Variants in SSX2IP observed in about 807,000 individuals in gnomAD.
SSX2IP encodes the protein SSX family member 2 interacting protein.
Under a neutral mutation model 84.9 loss-of-function variants are expected in SSX2IP, and 55 were observed. That is an observed-to-expected ratio of 0.65 (90% CI 0.52 to 0.81). The LOEUF (loss-of-function observed/expected upper bound fraction) is 0.81. Ranked by LOEUF, SSX2IP falls within the 30% of genes least tolerant of loss-of-function variation. The pLI is 0.00. For synonymous variants in SSX2IP, 239 were observed against 234.7 expected, an observed-to-expected ratio of 1.02 and a Z score of -0.17; for missense variants, 664 against 705.2, an observed-to-expected ratio of 0.94 and a Z score of 0.66.
chr1:84,662,157 A>C, intron 8 of SSX2IP, 41 bp downstream of exon 8: 1 of 1,317,472 alleles, frequency 7.6e-7, no homozygotes, highest in South Asian at 1.5e-5. Context: ...TATTCTTATT[A>C]GCAATCTGAA....
rs1310542680 is a variant in SSX2IP at position 84,690,358 on chromosome 1, C to T, written c.-90+13G>A. The T allele has an allele frequency of 4.0e-5, 6 of 150,746 alleles. No homozygotes were observed. Among genetic ancestry groups the T allele is most frequent in the Non-Finnish European group, 7.4e-5 (5 of 67,550 alleles). The allele number at this position is 150,746 out of a possible 1,614,324, so 9.3% of individuals were successfully genotyped here. On this transcript the variant is annotated intron_variant, in intron 1 of 13. Coordinates refer to ENST00000342203, the MANE Select transcript of SSX2IP (RefSeq NM_001166293.2). Reference sequence around the variant, plus strand: ...GCGCGTCACAATCCCCGACGCGAGGCGCTGCTGCTCACCGTCACGGCCCCC... The same window carrying T: ...GCGCGTCACAATCCCCGACGCGAGGTGCTGCTGCTCACCGTCACGGCCCCC...
chr1:84,673,377 T>C (rs920678884), intron 1 of SSX2IP, among the ~76,000 whole-genome samples: 1 of 152,122 alleles, frequency 6.6e-6, no homozygotes, highest in Non-Finnish European at 1.5e-5. Context: ...CAAAGACTTA[T>C]GATGGATATT....
In SSX2IP at chr1:84,656,328, A is replaced by C; in HGVS notation, c.1215+20T>G. On this transcript the variant is annotated intron_variant, in intron 10 of 13. Transcript: ENST00000342203. The stretch of plus-strand genomic sequence containing the variant: ...CTGGCTTTTCATGGAGAACAGCTTT[A>C]AAAGGTAATTCATATTCACCTGTAA... 6.2e-7 allele frequency: 1 copy of C among 1,606,154 alleles called. No homozygotes were observed. Among genetic ancestry groups the C allele is most frequent in the Non-Finnish European group, 8.5e-7 (1 of 1,176,996 alleles).
chr1:84,655,739 T>C (rs1199535942), intron 11 of SSX2IP, 93 bp downstream of exon 11: 1 of 1,461,924 alleles, frequency 6.8e-7, no homozygotes, highest in African/African-American at 1.4e-5. Context: ...AGAAAATAAG[T>C]AAATAGCAAG....
rs774290087 is a variant in SSX2IP, at chr1:84,671,188, C to T, written c.32G>A (p.Gly11Asp). 1.2e-6 allele frequency: 2 copies of T among 1,611,476 alleles called. No individual in the cohort carries two copies. Among genetic ancestry groups the T allele is most frequent in the Non-Finnish European group, 1.7e-6 (2 of 1,178,700 alleles). ...TTAGACTTAATTACCTGAAGACAGA[C>T]CTGGATCTGTAACAGTCATCCAATC... MGDWMTVTDP[G>D]LSSESKTISQ... The change falls in exon 2 of 14, where the codon GGT (glycine) becomes GAT (aspartate). Residue 11 changes from glycine to aspartate, a missense_variant. Transcript: ENST00000342203.
At chr1:84,674,892 A>G (rs576351715) in intron 1 of SSX2IP, among the ~76,000 whole-genome samples, 19 of 152,186 alleles carry the variant, frequency 1.2e-4, no homozygotes, top group Non-Finnish European at 2.6e-4. Context: ...AAGTTACCCG[A>G]CCAGTTTTTC....
At chr1:84,654,345 C>G (rs1031055039) in intron 11 of SSX2IP, among the ~76,000 whole-genome samples, 1 of 151,824 alleles carries the variant, frequency 6.6e-6, no homozygotes, top group Admixed American at 6.6e-5. Flanking sequence ...ATCAGTAAAA[C>G]TAAACACTAG....
intron 9 of SSX2IP, among the ~76,000 whole-genome samples, chr1:84,657,944 G>A (rs1651369837): frequency 1.3e-5 from 2 of 152,042 alleles, no homozygotes; most frequent in Admixed American, 6.6e-5. Flanking sequence ...GATAAGCCTG[G>A]CCAACACAGC....
At chr1:84,676,698 T>C (rs1210301346) in intron 1 of SSX2IP, among the ~76,000 whole-genome samples, 1 of 149,706 alleles carries the variant, frequency 6.7e-6, no homozygotes, top group East Asian at 2.0e-4. Context: ...AAATCTGATT[T>C]CAAGACTCTG....
chr1:84,677,745 T>C (rs1654573369), intron 1 of SSX2IP, among the ~76,000 whole-genome samples: 1 of 152,170 alleles, frequency 6.6e-6, no homozygotes, highest in Non-Finnish European at 1.5e-5. Context: ...GAGGTCCGTG[T>C]GGCAAGGAAC....
chr1:84,665,482 C>T (rs563731842), intron 5 of SSX2IP, among the ~76,000 whole-genome samples: 44 of 152,242 alleles, frequency 2.9e-4, no homozygotes, highest in African/African-American at 1.1e-3. Flanking sequence ...ATAGTTATTA[C>T]ATGGTCAGGG....
At chr1:84,667,555 T>C (rs1053994822) in intron 4 of SSX2IP, among the ~76,000 whole-genome samples, 1 of 152,084 alleles carries the variant, frequency 6.6e-6, no homozygotes, top group South Asian at 2.1e-4. Context: ...ATTTACACAT[T>C]GTCTTCCTCC....
At chr1:84,690,212 C>G (rs1656419668) in intron 1 of SSX2IP, 159 bp downstream of exon 1, 2 of 152,234 alleles carry the variant, frequency 1.3e-5, no homozygotes, top group Non-Finnish European at 2.9e-5. Context: ...CCTGCAACGG[C>G]CCCAACAGCC....
chr1:84,656,000 C>T lies in SSX2IP; in HGVS notation c.1221G>A (p.Gln407=). ...TATCATCATCATATGCAGTAGCGAG[C>T]TGCTGCTATTAAAATTTAAAACATA... is the stretch of plus-strand genomic sequence containing the variant. The part of the protein sequence containing the change: ...IKTQQQLLQQ[Q]LATAYDDDTT... Residue 407 remains glutamine (Q), a synonymous_variant, in exon 11 of 14, where the codon CAG becomes CAA. Transcript: ENST00000342203. 2 of 1,608,758 alleles carry T rather than the reference C, an allele frequency of 1.2e-6. No homozygotes were observed. The highest frequency in any genetic ancestry group is 1.7e-6 in the Non-Finnish European group (2 of 1,178,454).
intron 11 of SSX2IP, among the ~76,000 whole-genome samples, chr1:84,655,127 A>G (rs1650887020): frequency 6.6e-6 from 1 of 152,224 alleles, no homozygotes; most frequent in South Asian, 2.1e-4. Context: ...TATCTTTCAT[A>G]GCAGGGAATC....
chr1:84,655,418 C>T, intron 11 of SSX2IP: 1 of 1,287,832 alleles, frequency 7.8e-7, no homozygotes, highest in South Asian at 1.2e-5. Flanking sequence ...GTATATATAA[C>T]AATGATGGAC....
intron 6 of SSX2IP, among the ~76,000 whole-genome samples, chr1:84,663,539 T>C (rs145422626): frequency 1.3e-4 from 20 of 152,296 alleles, no homozygotes; most frequent in African/African-American, 4.1e-4. Flanking sequence ...ATTTAAAAAA[T>C]AAAGTATTCA....
At chr1:84,663,301 T>C (rs569212847) in intron 6 of SSX2IP, among the ~76,000 whole-genome samples, 2 of 152,206 alleles carry the variant, frequency 1.3e-5, no homozygotes, top group Non-Finnish European at 2.9e-5. Context: ...ACCGCTATAA[T>C]GGAAGAGCTC....
At chr1:84,662,713 T>C (rs963121757) in intron 6 of SSX2IP, among the ~76,000 whole-genome samples, 183 bp from the exon 7 acceptor site, 17 of 152,138 alleles carry the variant, frequency 1.1e-4, no homozygotes, top group Non-Finnish European at 1.8e-4. Flanking sequence ...TCTCGGCACA[T>C]TATTTAACTG....
Sources: gnomAD v4.1 joint callset for allele counts (sites outside exome capture counted in the v4.1 genomes callset) on GRCh38, gnomAD v4.1.1 for gene constraint, MANE v1.5 for transcripts, NCBI Gene and HGNC (gene_info 2026-07-23, HGNC 2026-07-21) for gene names.